The following PHACTR2 variants were observed in gnomAD, a reference collection of about 807,000 sequenced individuals.
PHACTR2 encodes the protein chromosome 6 open reading frame 56.
A neutral mutation model predicts 76.0 loss-of-function variants in PHACTR2; 30 were observed. That is an observed-to-expected ratio of 0.39 (90% CI 0.30 to 0.54). PHACTR2 has a LOEUF of 0.54. Ranked by LOEUF, PHACTR2 falls within the 20% of genes least tolerant of loss-of-function variation. The pLI is 0.61. For synonymous variants in PHACTR2, 292 were observed against 292.5 expected, an observed-to-expected ratio of 1.00 and a Z score of 0.02; for missense variants, 696 against 781.1, an observed-to-expected ratio of 0.89 and a Z score of 1.30.
rs1330439994 is a variant in PHACTR2 at position 143,801,568 on chromosome 6, C to T, written c.1846-5489C>T. On this transcript the variant is annotated intron_variant, in intron 11 of 12. Coordinates refer to ENST00000440869, the MANE Select transcript of PHACTR2 (RefSeq NM_001100164.2). This position sits in a 1 kb window ranked among gnomAD's most constrained non-coding sequence, Gnocchi z 4.6. The stretch of plus-strand genomic sequence containing the variant: ...TCCATCAGGTTATTTAAGCTCTTCT[C>T]TACACTGGTTATTCTAGTTAGCCAT... Among the ~76,000 whole-genome samples, 1 of 152,170 alleles carries T rather than the reference C, an allele frequency of 6.6e-6. No homozygotes were observed. The highest frequency in any genetic ancestry group is 1.5e-5 in the Non-Finnish European group (1 of 68,036).
At chr6:143,544,876 T>A (rs1022280498) in intron 1 of PHACTR2, among the ~76,000 whole-genome samples, 2 of 152,104 alleles carry the variant, frequency 1.3e-5, no homozygotes, top group African/African-American at 4.8e-5. Context: ...AACGATTTTT[T>A]AAAAATGTGT....
chr6:143,765,771 TAAGTGTTAACA>T lies in PHACTR2; in HGVS notation c.1206_1216del (p.Ser403ArgfsTer33), dbSNP rs1779550423. The T allele has an allele frequency of 6.2e-7, 1 of 1,613,528 alleles. No homozygotes were observed. Among genetic ancestry groups the T allele is most frequent in the Non-Finnish European group, 8.5e-7 (1 of 1,179,512 alleles). On this transcript the variant is annotated frameshift_variant, in exon 6 of 13. Coordinates refer to ENST00000440869, the MANE Select transcript of PHACTR2 (RefSeq NM_001100164.2). LOFTEE classifies it high-confidence loss of function. This position sits in a 1 kb window ranked among gnomAD's most constrained non-coding sequence, Gnocchi z 4.1. ...ACCACTCTCTACTCAGGCACTGGCT[TAAGTGTTAACA>T]GAGAAAATGCAAAATGGTGAGTTGG... is the stretch of plus-strand genomic sequence containing the variant.
chr6:143,811,898 T>C lies in PHACTR2; in HGVS notation c.1922+4765T>C, dbSNP rs1420105060. ...GTTCATAAAAAAGGTGGTGGTACTCTTAGTACCAGCCTCTCTTGGGGAAAA... is the reference window on the plus strand; with the variant it reads ...GTTCATAAAAAAGGTGGTGGTACTCCTAGTACCAGCCTCTCTTGGGGAAAA... On this transcript the variant is annotated intron_variant, in intron 12 of 12. Coordinates refer to ENST00000440869, the MANE Select transcript of PHACTR2 (RefSeq NM_001100164.2). The surrounding 1 kb of genome is among the most constrained non-coding windows in gnomAD (Gnocchi z 4.1). 3.3e-5 allele frequency among the ~76,000 whole-genome samples: 5 copies of C among 152,232 alleles called. No homozygotes were observed. Among genetic ancestry groups the C allele is most frequent in the African/African-American group, 1.2e-4 (5 of 41,464 alleles).
rs1330977782 is a variant in PHACTR2, at chr6:143,589,721, C to T, written c.217+52514C>T. On this transcript the variant is annotated intron_variant, in intron 1 of 11. Transcript: ENST00000367584. The surrounding 1 kb of genome is among the most constrained non-coding windows in gnomAD (Gnocchi z 4.4). ...TCATCTCTTTTAAAGGCCCTATCTC[C>T]AAATACAGTCACATTTCAAGGTCCT... 6.6e-6 allele frequency among the ~76,000 whole-genome samples: 1 copy of T among 152,148 alleles called. No homozygotes were observed. Among genetic ancestry groups the T allele is most frequent in the Non-Finnish European group, 1.5e-5 (1 of 68,012 alleles).
Position 143,827,155 on chromosome 6 carries a change from A to AAAAAAT in PHACTR2, c.*3467_*3468insAAAATA, listed in dbSNP as rs1254251707. 4 of 77,232 alleles carry AAAAAAT rather than the reference A, an allele frequency of 5.2e-5. No homozygotes were observed. The highest frequency in any genetic ancestry group is 1.0e-4 in the African/African-American group (2 of 20,062). 4.8% of individuals were successfully genotyped at this position (77,232 alleles called of 1,614,324 possible). A position where few individuals can be genotyped will look rare whatever the true frequency, so the allele number is the denominator to read the frequency against. ...GGGCTGCGTTGGCATTAAAAAAGAAAATATATATATATATATATATATATA... is the reference window on the plus strand; with the variant it reads ...GGGCTGCGTTGGCATTAAAAAAGAAAAAAAATATATATATATATATATATATATATA... On this transcript the variant is annotated 3_prime_UTR_variant, in exon 13 of 13. Coordinates refer to ENST00000440869, the MANE Select transcript of PHACTR2 (RefSeq NM_001100164.2).
At chr6:143,606,437 C>A (rs1056807887), upstream of PHACTR2, among the ~76,000 whole-genome samples, 1 of 152,084 alleles carries the variant, frequency 6.6e-6, no homozygotes, top group Admixed American at 6.6e-5. Flanking sequence ...GGAACATAAT[C>A]CATTTGTCAT....
chr6:143,728,209 T>TTC (rs1562284711), intron 2 of PHACTR2, among the ~76,000 whole-genome samples: 5 of 129,788 alleles, frequency 3.9e-5, no homozygotes, highest in African/African-American at 9.7e-5. Context: ...CCTTTTTTTT[T>TTC]TTCTTTCTTT....
rs1446660130 is a variant in PHACTR2 at position 143,827,700 on chromosome 6, C to A, written c.*4011C>A. The A allele has an allele frequency of 2.0e-5, 3 of 152,124 alleles. No individual in the cohort carries two copies. The highest frequency in any genetic ancestry group is 7.2e-5 in the African/African-American group (3 of 41,432). 9.4% of individuals were successfully genotyped at this position (152,124 alleles called of 1,614,324 possible). Reference sequence around the variant, plus strand: ...AGAGCATGTTGTGAGTAGTAAGGAACTACTTAGATGCAATTTATTTACAGA... The same window carrying A: ...AGAGCATGTTGTGAGTAGTAAGGAAATACTTAGATGCAATTTATTTACAGA... On this transcript the variant is annotated 3_prime_UTR_variant, in exon 13 of 13. Coordinates refer to ENST00000440869, the MANE Select transcript of PHACTR2 (RefSeq NM_001100164.2).
At chr6:143,644,699 T>C (rs900576045) in intron 1 of PHACTR2, among the ~76,000 whole-genome samples, 4 of 152,042 alleles carry the variant, frequency 2.6e-5, no homozygotes, top group Admixed American at 2.6e-4. Context: ...TGTTTTGTTT[T>C]TCTTAGTGGT....
At chr6:143,687,325 C>T (rs772611088) in intron 1 of PHACTR2, among the ~76,000 whole-genome samples, 1 of 152,120 alleles carries the variant, frequency 6.6e-6, no homozygotes, top group Non-Finnish European at 1.5e-5. Context: ...GGGAAGGAAA[C>T]AAGAATTGTA....
rs758877270 is a variant in PHACTR2 at position 143,780,268 on chromosome 6, C to CT, written c.1645+2892dup. 2.0e-5 allele frequency among the ~76,000 whole-genome samples: 3 copies of CT among 152,040 alleles called. No homozygotes were observed. The highest frequency in any genetic ancestry group is 4.4e-5 in the Non-Finnish European group (3 of 68,002). The stretch of plus-strand genomic sequence containing the variant: ...CATATCTATGCATCTGTTGATCCAG[C>CT]TTTTTTTAATGCACTTTAAGTTTAT... On this transcript the variant is annotated intron_variant, in intron 9 of 12. Coordinates refer to ENST00000440869, the MANE Select transcript of PHACTR2 (RefSeq NM_001100164.2). This position sits in a 1 kb window ranked among gnomAD's most constrained non-coding sequence, Gnocchi z 4.4.
intron 1 of PHACTR2, among the ~76,000 whole-genome samples, chr6:143,544,968 A>G (rs1408201616): frequency 6.6e-6 from 1 of 151,292 alleles, no homozygotes; most frequent in Non-Finnish European, 1.5e-5. Flanking sequence ...TCTTTGAGAC[A>G]GGTCTCACTC....
rs540565461 is a variant in PHACTR2 at position 143,652,968 on chromosome 6, C to G, written c.13+44646C>G. 4.6e-5 allele frequency among the ~76,000 whole-genome samples: 7 copies of G among 152,332 alleles called. No individual in the cohort carries two copies. In the East Asian group the frequency reaches 1.3e-3, roughly 29 times the overall value. On this transcript the variant is annotated intron_variant, in intron 1 of 11. Coordinates refer to the PHACTR2 transcript ENST00000305766. This position sits in a 1 kb window ranked among gnomAD's most constrained non-coding sequence, Gnocchi z 4.5. ...TTTCCAGCTGGATTGAGGCTGGAAGCTCCCTGGCAAGCAATAGAAAAGCAC... is the reference window on the plus strand; with the variant it reads ...TTTCCAGCTGGATTGAGGCTGGAAGGTCCCTGGCAAGCAATAGAAAAGCAC...
upstream of PHACTR2, among the ~76,000 whole-genome samples, chr6:143,604,434 T>C (rs1277824644): frequency 6.6e-6 from 1 of 152,190 alleles, no homozygotes; most frequent in Admixed American, 6.5e-5. Context: ...CTTGGAGTGG[T>C]GTTTCTGCTC....
In PHACTR2 at chr6:143,546,394, T is replaced by C. The variant is rs76744217; in HGVS notation, c.217+9187T>C. Among the ~76,000 whole-genome samples, 31 of 152,232 alleles carry C rather than the reference T, an allele frequency of 2.0e-4. No homozygotes were observed. The East Asian group carries it at 5.8e-3, about 28-fold the overall frequency. ...AAAACATGTTATCTCTCTCTAGAAC[T>C]TTGGACTGTGGCTAGGGCAAGAATG... On this transcript the variant is annotated intron_variant, in intron 1 of 11. Coordinates refer to the PHACTR2 transcript ENST00000367584. This position sits in a 1 kb window ranked among gnomAD's most constrained non-coding sequence, Gnocchi z 4.9.
In PHACTR2 at chr6:143,753,676, T is replaced by C; in HGVS notation, c.296-78T>C. 1 of 1,007,020 alleles carries C rather than the reference T, an allele frequency of 9.9e-7. No individual in the cohort carries two copies. Among genetic ancestry groups the C allele is most frequent in the South Asian group, 1.7e-5 (1 of 60,262 alleles). 62.4% of individuals were successfully genotyped at this position (1,007,020 alleles called of 1,614,324 possible). A position where few individuals can be genotyped will look rare whatever the true frequency, so the allele number is the denominator to read the frequency against. On this transcript the variant is annotated intron_variant, in intron 3 of 12. Coordinates refer to ENST00000440869, the MANE Select transcript of PHACTR2 (RefSeq NM_001100164.2). This position sits in a 1 kb window ranked among gnomAD's most constrained non-coding sequence, Gnocchi z 4.6. ...GGGACTGAAACATGAATCTAAATTTTACAATCCTAGTAACTGGAAAACTTG... is the reference window on the plus strand; with the variant it reads ...GGGACTGAAACATGAATCTAAATTTCACAATCCTAGTAACTGGAAAACTTG...
intron 1 of PHACTR2, among the ~76,000 whole-genome samples, chr6:143,587,576 T>C (rs965439172): frequency 5.9e-5 from 9 of 152,190 alleles, no homozygotes; most frequent in Non-Finnish European, 1.2e-4. Context: ...GTCCAGAGTT[T>C]GTTGAGAAAA....
Position 143,547,248 on chromosome 6 carries a change from C to T in PHACTR2, c.217+10041C>T, listed in dbSNP as rs1360418171. Among the ~76,000 whole-genome samples, 1 of 152,138 alleles carries T rather than the reference C, an allele frequency of 6.6e-6. No individual in the cohort carries two copies. The highest frequency in any genetic ancestry group is 1.5e-5 in the Non-Finnish European group (1 of 68,034). On this transcript the variant is annotated intron_variant, in intron 1 of 11. Coordinates refer to the PHACTR2 transcript ENST00000367584. This position sits in a 1 kb window ranked among gnomAD's most constrained non-coding sequence, Gnocchi z 4.2. The stretch of plus-strand genomic sequence containing the variant: ...TGCCCTAACTATACCTCAATTGTAG[C>T]TCTTTCTAAAAATCATGTCTACATT...
At chr6:143,560,107 T>C (rs1775244618) in intron 1 of PHACTR2, among the ~76,000 whole-genome samples, 1 of 152,178 alleles carries the variant, frequency 6.6e-6, no homozygotes, top group African/African-American at 2.4e-5. Flanking sequence ...TGGGAGTTGT[T>C]TCGGGAAAAC....
Sources: gnomAD v4.1 joint callset for allele counts (sites outside exome capture counted in the v4.1 genomes callset) on GRCh38, gnomAD v4.1.1 for gene constraint, Gnocchi (gnomAD v3.1) non-coding constraint, MANE v1.5 for transcripts, NCBI Gene and HGNC (gene_info 2026-07-23, HGNC 2026-07-21) for gene names.